Variants in DMD observed in about 807,000 individuals in gnomAD.
DMD encodes the protein mutant dystrophin.
A neutral mutation model predicts 330.1 loss-of-function variants in DMD; 63 were observed. That is an observed-to-expected ratio of 0.19 (90% CI 0.16 to 0.24). The LOEUF (loss-of-function observed/expected upper bound fraction) is 0.24, where lower values mean the gene tolerates loss of function less well. Among genes scored for constraint, DMD ranks in the 10% least tolerant of loss-of-function variants. DMD has a pLI of 1.00. For synonymous variants in DMD, 1,223 were observed against 959.8 expected (o/e 1.27, Z -5.07); for missense variants, 3,344 against 2,684.1 (o/e 1.25, Z -5.43).
At chrX:32,313,575 G>A (rs192114950) in intron 41 of DMD, among the ~76,000 whole-genome samples, 39 of 110,881 alleles carry the variant, frequency 3.5e-4, no homozygotes, top group Admixed American at 3.3e-3. Flanking sequence ...GAGAAAGAAA[G>A]AAAGATATTC....
intron 2 of DMD, among the ~76,000 whole-genome samples, chrX:33,009,206 A>G (rs1385511363): frequency 1.7e-5 from 1 of 57,774 alleles, no homozygotes; most frequent in African/African-American, 7.0e-5. Flanking sequence ...ATATGTGTAT[A>G]TATACACATA....
At chrX:31,765,116 A>C (rs2089903739) in intron 51 of DMD, among the ~76,000 whole-genome samples, 1 of 110,941 alleles carries the variant, frequency 9.0e-6, no homozygotes, top group South Asian at 3.8e-4. Context: ...TCATTTATGA[A>C]ATTTAAAAAC....
intron 2 of DMD, among the ~76,000 whole-genome samples, chrX:32,921,684 C>A (rs192883994): frequency 9.0e-6 from 1 of 111,575 alleles, no homozygotes; most frequent in Admixed American, 9.5e-5. Flanking sequence ...TTTCTTTATG[C>A]GTTCTTTTTT....
chrX:31,914,807 A>G lies in DMD; in HGVS notation c.6912+14789T>C, dbSNP rs80195147. Among the ~76,000 whole-genome samples the G allele has an allele frequency of 7.3e-4, 82 of 112,217 alleles. 1 individual carries two copies. In the East Asian group the frequency reaches 0.02, roughly 27 times the overall value. On this transcript the variant is annotated intron_variant, in intron 47 of 78. Coordinates refer to ENST00000357033, the MANE Select transcript of DMD (RefSeq NM_004006.3). ...CAAAAAATACTTAGGAAAAATGAATAATACCCAGTATTCGATAGCACAACA... is the reference window on the plus strand; with the variant it reads ...CAAAAAATACTTAGGAAAAATGAATGATACCCAGTATTCGATAGCACAACA...
rs1024324124 is a variant in DMD at position 32,679,575 on chromosome X, G to C, written c.960+18295C>G. On this transcript the variant is annotated intron_variant, in intron 9 of 78. Transcript: ENST00000357033. Reference sequence around the variant, plus strand: ...AAATGTAATTCAAAAACATTTAACAGAAGGAATCTTAATGTCAGGCAGTGA... The same window carrying C: ...AAATGTAATTCAAAAACATTTAACACAAGGAATCTTAATGTCAGGCAGTGA... Among the ~76,000 whole-genome samples the C allele has an allele frequency of 2.7e-5, 3 of 110,922 alleles. No homozygotes were observed. In the Admixed American group the frequency reaches 2.9e-4, roughly 11 times the overall value.
intron 19 of DMD, among the ~76,000 whole-genome samples, chrX:32,494,168 G>A (rs2043262800): frequency 9.0e-6 from 1 of 111,612 alleles, no homozygotes; most frequent in Non-Finnish European, 1.9e-5. Context: ...AGGTTTTAAT[G>A]AGTCATTGTT....
chrX:33,124,766 T>G (rs2095450796), intron 1 of DMD, among the ~76,000 whole-genome samples: 1 of 110,177 alleles, frequency 9.1e-6, no homozygotes, highest in Non-Finnish European at 1.9e-5. Context: ...GGCTCACGCC[T>G]GTAATCCCAG....
intron 10 of DMD, among the ~76,000 whole-genome samples, 153 bp from the exon 11 acceptor site, chrX:32,644,466 C>T (rs1410785711): frequency 9.0e-6 from 1 of 110,837 alleles, no homozygotes; most frequent in Non-Finnish European, 1.9e-5. Flanking sequence ...AATCCCAAAA[C>T]CACTTTTAAT....
intron 1 of DMD, among the ~76,000 whole-genome samples, chrX:33,070,671 CTCTA>C (rs1392116898): frequency 1.1e-3 from 47 of 43,991 alleles, no homozygotes; most frequent in East Asian, 2.6e-3. Context: ...CTCTCTCTCT[CTCTA>C]TATATATATA....
At chrX:32,179,667 T>A (rs1460414312) in intron 44 of DMD, among the ~76,000 whole-genome samples, 7 of 111,985 alleles carry the variant, frequency 6.3e-5, no homozygotes, top group African/African-American at 1.9e-4. Flanking sequence ...CCCATCCAAA[T>A]CTCATCTTGA....
At chrX:32,494,938 G>A (rs997114231) in intron 19 of DMD, among the ~76,000 whole-genome samples, 6 of 111,191 alleles carry the variant, frequency 5.4e-5, no homozygotes, top group African/African-American at 1.3e-4. Context: ...TTGCATCACT[G>A]TATTCTAGCC....
At chrX:32,021,785 G>A in intron 44 of DMD, among the ~76,000 whole-genome samples, 1 of 111,724 alleles carries the variant, frequency 9.0e-6, no homozygotes, top group Non-Finnish European at 1.9e-5. Flanking sequence ...TAATTTCTCT[G>A]TTTCTTTTTC....
chrX:32,127,242 A>G (rs2096665824), intron 44 of DMD, among the ~76,000 whole-genome samples: 1 of 111,967 alleles, frequency 8.9e-6, no homozygotes, highest in Admixed American at 9.5e-5. Flanking sequence ...TCTAGCCAAC[A>G]CACATCTGTT....
rs72470525 is a variant in DMD at position 32,816,713 on chromosome X, G to A, written c.358-73C>T. On this transcript the variant is annotated intron_variant, in intron 5 of 78. Coordinates refer to ENST00000357033, the MANE Select transcript of DMD (RefSeq NM_004006.3). ...GAACCATGCAAACTTAAATATGAAT[G>A]TCCTTGATCTTCAGTGATAAATAGA... 1.3e-4 allele frequency: 133 copies of A among 1,012,308 alleles called. 1 individual carries two copies. In the East Asian group the frequency reaches 2.7e-3, roughly 20 times the overall value. 83.4% of individuals were successfully genotyped at this position (1,012,308 alleles called of 1,213,427 possible). A position where few individuals can be genotyped will look rare whatever the true frequency, so the allele number is the denominator to read the frequency against.
chrX:32,856,588 C>T (rs2081582794), intron 2 of DMD, among the ~76,000 whole-genome samples: 1 of 111,984 alleles, frequency 8.9e-6, no homozygotes, highest in South Asian at 3.7e-4. Flanking sequence ...TGGGCTCACT[C>T]ATATGCAGTA....
At chrX:32,238,543 C>T (rs1409325165) in intron 43 of DMD, among the ~76,000 whole-genome samples, 1 of 110,789 alleles carries the variant, frequency 9.0e-6, no homozygotes, top group South Asian at 3.9e-4. Context: ...TTTCTACAAC[C>T]TACACTTGGA....
intron 47 of DMD, among the ~76,000 whole-genome samples, chrX:31,912,169 C>A (rs554310874): frequency 1.8e-5 from 2 of 110,971 alleles, no homozygotes; most frequent in Non-Finnish European, 3.8e-5. Flanking sequence ...GACCCACTAC[C>A]GCTTTCTGAA....
chrX:33,295,759 G>A, intron 1 of DMD, among the ~76,000 whole-genome samples: 1 of 111,006 alleles, frequency 9.0e-6, no homozygotes. Context: ...TTTCCACAGG[G>A]ATGTTGTAAA....
chrX:32,690,151 A>G (rs975584945), intron 9 of DMD, among the ~76,000 whole-genome samples: 1 of 111,180 alleles, frequency 9.0e-6, no homozygotes, highest in Non-Finnish European at 1.9e-5. Flanking sequence ...TTATGAATAG[A>G]AAACCCTAGA....
Sources: gnomAD v4.1 joint callset for allele counts (sites outside exome capture counted in the v4.1 genomes callset) on GRCh38, gnomAD v4.1.1 for gene constraint, MANE v1.5 for transcripts, NCBI Gene and HGNC (gene_info 2026-07-23, HGNC 2026-07-21) for gene names.